The following HPN variants were observed in gnomAD, a reference collection of about 807,000 sequenced individuals.
HPN encodes the protein serine protease hepsin.
Under a neutral mutation model 55.9 loss-of-function variants are expected in HPN, and 13 were observed. The observed-to-expected ratio is 0.23, with a 90% CI of 0.15 to 0.37. The LOEUF (loss-of-function observed/expected upper bound fraction) is 0.37, where lower values mean the gene tolerates loss of function less well. Ranked by LOEUF, HPN falls within the 10% of genes least tolerant of loss-of-function variation. The pLI is 1.00. For missense variants in HPN, 451 were observed against 575.8 expected (o/e 0.78, Z 2.22); for synonymous variants, 225 against 240.3 (o/e 0.94, Z 0.59).
At chr19:35,048,079 AG>A (rs1274101740) in intron 2 of HPN, among the ~76,000 whole-genome samples, 1 of 54,132 alleles carries the variant, frequency 1.8e-5, no homozygotes, top group Non-Finnish European at 3.4e-5. Context: ...AAAGAAAGAA[AG>A]AAAAGGAAGG....
chr19:35,064,240 A>G (rs2151769729), intron 9 of HPN, among the ~76,000 whole-genome samples: 1 of 152,268 alleles, frequency 6.6e-6, no homozygotes. Context: ...TCTCAGGGTT[A>G]CCACTCTCTC....
chr19:35,063,430 C>T (rs1380866723), intron 9 of HPN, among the ~76,000 whole-genome samples: 1 of 152,196 alleles, frequency 6.6e-6, no homozygotes, highest in African/African-American at 2.4e-5. Context: ...AAACCCTGTC[C>T]TGACATGGTG....
chr19:35,047,351 C>T (rs1433590249), intron 2 of HPN, among the ~76,000 whole-genome samples: 1 of 152,224 alleles, frequency 6.6e-6, no homozygotes, highest in Non-Finnish European at 1.5e-5. Context: ...CCACAGTGCC[C>T]TTCCTTGTGG....
chr19:35,056,344 A>G (rs1307008318), intron 4 of HPN, among the ~76,000 whole-genome samples: 2 of 152,092 alleles, frequency 1.3e-5, no homozygotes, highest in Non-Finnish European at 2.9e-5. Flanking sequence ...TGAGTTCCAC[A>G]GGGGTCGGGG....
intron 4 of HPN, chr19:35,059,414 C>G: frequency 3.3e-6 from 2 of 601,178 alleles, no homozygotes; most frequent in South Asian, 3.4e-5. Context: ...TCTGGGAGGT[C>G]AAGGCTACAG....
intron 2 of HPN, among the ~76,000 whole-genome samples, chr19:35,044,234 T>C (rs1489322710): frequency 2.6e-5 from 4 of 152,200 alleles, no homozygotes; most frequent in Non-Finnish European, 5.9e-5. Context: ...GCTGCTGTTG[T>C]TGGTGTCACT....
At chr19:35,045,141 C>G (rs2064329497) in intron 2 of HPN, among the ~76,000 whole-genome samples, 1 of 152,012 alleles carries the variant, frequency 6.6e-6, no homozygotes, top group African/African-American at 2.4e-5. Context: ...CTGCAGGAGC[C>G]CTGACCTGGG....
intron 2 of HPN, among the ~76,000 whole-genome samples, chr19:35,044,244 TG>T: frequency 6.6e-6 from 1 of 152,308 alleles, no homozygotes; most frequent in East Asian, 1.9e-4. Flanking sequence ...TTGGTGTCAC[TG>T]TTATTGCTGC....
chr19:35,043,737 C>T (rs771051446), intron 2 of HPN, among the ~76,000 whole-genome samples: 5 of 152,188 alleles, frequency 3.3e-5, no homozygotes, highest in South Asian at 2.1e-4. Context: ...GCACCCTAGC[C>T]GAGCAGGTGG....
chr19:35,051,590 C>T (rs924978638), intron 4 of HPN, among the ~76,000 whole-genome samples: 1 of 151,972 alleles, frequency 6.6e-6, no homozygotes, highest in African/African-American at 2.4e-5. Context: ...AGTGACTTGC[C>T]CCAGGTCATG....
intron 3 of HPN, 22 bp from the exon 4 acceptor site, chr19:35,049,453 C>G: frequency 1.2e-6 from 2 of 1,613,114 alleles, no homozygotes; most frequent in Non-Finnish European, 1.7e-6. Flanking sequence ...CCTGCCTGCC[C>G]TCACCCCTCC....
chr19:35,063,299 C>T (rs1321282345), intron 9 of HPN, among the ~76,000 whole-genome samples: 4 of 152,226 alleles, frequency 2.6e-5, no homozygotes, highest in Non-Finnish European at 4.4e-5. Flanking sequence ...GCTGTGGTGA[C>T]GGAGAATCCA....
At chr19:35,050,372 T>C (rs377644410) in intron 4 of HPN, 1 of 536,508 alleles carries the variant, frequency 1.9e-6, no homozygotes. Flanking sequence ...TCCACCCGCC[T>C]CGGCCTCCCA....
At chr19:35,060,550 G>A (rs1391687678) in intron 8 of HPN, 38 bp downstream of exon 8, 1 of 1,611,560 alleles carries the variant, frequency 6.2e-7, no homozygotes, top group Admixed American at 1.7e-5. Flanking sequence ...TGGGGAGGCA[G>A]AGGAGCGGAG....
intron 2 of HPN, among the ~76,000 whole-genome samples, chr19:35,045,813 G>A (rs2064336711): frequency 6.6e-6 from 1 of 152,104 alleles, no homozygotes; most frequent in South Asian, 2.1e-4. Context: ...AGACATGCAG[G>A]GAGGATGCCT....
At chr19:35,042,898 G>C (rs2064308158) in intron 2 of HPN, among the ~76,000 whole-genome samples, 1 of 152,142 alleles carries the variant, frequency 6.6e-6, no homozygotes. Flanking sequence ...ATTTGCTCTT[G>C]CCATCTTTTT....
intron 4 of HPN, chr19:35,050,501 C>G: frequency 7.8e-7 from 1 of 1,289,076 alleles, no homozygotes; most frequent in Non-Finnish European, 1.0e-6. Flanking sequence ...GGGCCAGGAA[C>G]AGCTCTTAGA....
chr19:35,047,212 C>T (rs2064350689), intron 2 of HPN, among the ~76,000 whole-genome samples: 1 of 152,236 alleles, frequency 6.6e-6, no homozygotes, highest in Non-Finnish European at 1.5e-5. Context: ...CCAGCTGGCC[C>T]CAGCCTTGGT....
intron 4 of HPN, among the ~76,000 whole-genome samples, chr19:35,051,249 C>T (rs903766694): frequency 6.6e-6 from 1 of 152,146 alleles, no homozygotes; most frequent in Non-Finnish European, 1.5e-5. Flanking sequence ...GCTAGGACTA[C>T]AGGCACGTGC....
Sources: allele counts gnomAD v4.1 joint callset (sites outside exome capture counted in the v4.1 genomes callset), GRCh38; gene constraint gnomAD v4.1.1; transcripts MANE v1.5; gene names NCBI Gene and HGNC (gene_info 2026-07-23, HGNC 2026-07-21).